The following VWF variants were observed in gnomAD, a reference collection of about 807,000 sequenced individuals.
VWF encodes the protein von Willebrand factor.
Under a neutral mutation model 308.6 loss-of-function variants are expected in VWF, and 176 were observed. The observed-to-expected ratio is 0.57, with a 90% CI of 0.50 to 0.65. VWF has a LOEUF of 0.65. VWF is among the 30% of genes least tolerant of loss of function. The probability of loss-of-function intolerance (pLI) is 0.00; values close to 1 mark genes in which losing one functional copy is unlikely to be tolerated. For synonymous variants in VWF, 1,385 were observed against 1,443.4 expected (o/e 0.96, Z 0.92); for missense variants, 3,146 against 3,648.2 (o/e 0.86, Z 3.55).
In VWF at chr12:6,013,506, A is replaced by G; in HGVS notation, c.5595T>C (p.Asn1865=). The change falls in exon 32 of 52, where the codon AAT becomes AAC. Residue 1865 remains asparagine (N), a synonymous_variant. Transcript: ENST00000261405. ...EDLPTMVTLG[N]SFLHKLCSGF... ...CAGAGCACAGTTTGTGGAGGAAGGA[A>G]TTGCCCAAGGTGACCATGGTAGGGA... The G allele has an allele frequency of 1.2e-6, 2 of 1,614,172 alleles. No homozygotes were observed. Among genetic ancestry groups the G allele is most frequent in the South Asian group, 2.2e-5 (2 of 91,072 alleles).
chr12:6,121,342 G>C lies in VWF; in HGVS notation c.56-4C>G, dbSNP rs1187778561. On this transcript the variant is annotated splice_polypyrimidine_tract_variant and splice_region_variant and intron_variant, in intron 2 of 51. Transcript: ENST00000261405. ...GTTCCTTCTGCACAAAGGGTCCCTGGAGGGAGAGGCCACAGGTTGGGCTGG... is the reference window on the plus strand; with the variant it reads ...GTTCCTTCTGCACAAAGGGTCCCTGCAGGGAGAGGCCACAGGTTGGGCTGG... 6.2e-7 allele frequency: 1 copy of C among 1,613,860 alleles called. No individual in the cohort carries two copies. Among genetic ancestry groups the C allele is most frequent in the South Asian group, 1.1e-5 (1 of 90,998 alleles).
At chr12:6,068,121 T>A (rs1179332739) in intron 10 of VWF, among the ~76,000 whole-genome samples, 2 of 128,070 alleles carry the variant, frequency 1.6e-5, no homozygotes. Flanking sequence ...GGCGACTGAG[T>A]GAAACTCTGT....
chr12:5,976,175 T>G lies in VWF; in HGVS notation c.7373A>C (p.Asp2458Ala). 1.2e-6 allele frequency: 2 copies of G among 1,614,104 alleles called. No individual in the cohort carries two copies. Among genetic ancestry groups the G allele is most frequent in the Non-Finnish European group, 1.7e-6 (2 of 1,180,042 alleles). ...CDVCTCTDME[D>A]AVMGLRVAQC... ...GGCCACGCGGAGGCCCATCACGGCA[T>G]CCTCCATGTCGGTGCAGGTGCACAC... Residue 2458 changes from aspartate to alanine, a missense_variant, in exon 43 of 52, where the codon GAT (aspartate) becomes GCT (alanine). Physicochemically the swap from Asp to Ala is moderately radical, Grantham distance 126. Transcript: ENST00000261405.
chr12:6,105,315 G>A (rs1460951558), intron 5 of VWF, among the ~76,000 whole-genome samples: 1 of 151,920 alleles, frequency 6.6e-6, no homozygotes, highest in Admixed American at 6.6e-5. Flanking sequence ...TGCAACCTCC[G>A]TCCCCTGGGT....
intron 10 of VWF, among the ~76,000 whole-genome samples, chr12:6,066,653 A>C (rs1282976622): frequency 6.6e-6 from 1 of 152,228 alleles, no homozygotes; most frequent in Non-Finnish European, 1.5e-5. Context: ...TTGGAAAGAC[A>C]AATGTAAGAG....
chr12:5,997,615 A>G (rs1943820562), intron 34 of VWF, among the ~76,000 whole-genome samples: 2 of 152,230 alleles, frequency 1.3e-5, no homozygotes, highest in South Asian at 4.1e-4. Context: ...TGCAATATAG[A>G]TGAAATGCCT....
chr12:5,951,114 G>A (rs746372272), intron 50 of VWF, among the ~76,000 whole-genome samples: 6 of 152,200 alleles, frequency 3.9e-5, no homozygotes, highest in Non-Finnish European at 7.3e-5. Context: ...GTCCAGGCAA[G>A]TAATTCTATA....
At chr12:5,968,302 C>T in intron 45 of VWF, 135 bp from the exon 46 acceptor site, 1 of 1,076,530 alleles carries the variant, frequency 9.3e-7, no homozygotes, top group Non-Finnish European at 1.3e-6. Flanking sequence ...TTCCCCCCAC[C>T]CCACAACCCA....
At chr12:6,002,504 A>G (rs1460572574) in intron 34 of VWF, among the ~76,000 whole-genome samples, 1 of 152,076 alleles carries the variant, frequency 6.6e-6, no homozygotes, top group Non-Finnish European at 1.5e-5. Context: ...AAAAAAGACT[A>G]CTTTCAAGAC....
intron 15 of VWF, among the ~76,000 whole-genome samples, chr12:6,053,236 G>GAGT (rs1275599895): frequency 2.0e-5 from 3 of 151,840 alleles, no homozygotes; most frequent in Non-Finnish European, 4.4e-5. Context: ...TGACAACAAT[G>GAGT]AGTACCATTT....
At position 6,060,970 on chromosome 12, in the gene VWF, G is replaced by A. The variant is rs1273614700; in HGVS notation, c.1533+1984C>T. ...AATCCCAGCACTTTGGGAGGCTGAG[G>A]AGGGTGGATCATTTGAGGTCAGGAG... On this transcript the variant is annotated intron_variant, in intron 13 of 51. Transcript: ENST00000261405. The surrounding 1 kb of genome is among the most constrained non-coding windows in gnomAD (Gnocchi z 5.1). 6.6e-6 allele frequency among the ~76,000 whole-genome samples: 1 copy of A among 152,232 alleles called. No individual in the cohort carries two copies. Among genetic ancestry groups the A allele is most frequent in the Non-Finnish European group, 1.5e-5 (1 of 68,048 alleles).
rs139908029 is a variant in VWF, at chr12:5,975,537, C to T, written c.7437+574G>A. Among the ~76,000 whole-genome samples the T allele has an allele frequency of 2.2e-4, 33 of 152,202 alleles. No homozygotes were observed. The East Asian group carries it at 6.2e-3, about 29-fold the overall frequency. ...TTTGGGAAACAGGGATCATGTTTTC[C>T]GTACCTCAAGTTATAAACATGGTCT... On this transcript the variant is annotated intron_variant, in intron 43 of 51. Transcript: ENST00000261405.
At position 6,058,155 on chromosome 12, in the gene VWF, T is replaced by A; in HGVS notation, c.1534-111A>T. The A allele has an allele frequency of 2.4e-5, 31 of 1,273,120 alleles. No individual in the cohort carries two copies. Among genetic ancestry groups the A allele is most frequent in the Non-Finnish European group, 2.7e-5 (25 of 925,950 alleles). 78.9% of individuals were successfully genotyped at this position (1,273,120 alleles called of 1,614,324 possible). On this transcript the variant is annotated intron_variant, in intron 13 of 51. Coordinates refer to ENST00000261405, the MANE Select transcript of VWF (RefSeq NM_000552.5). This position sits in a 1 kb window ranked among gnomAD's most constrained non-coding sequence, Gnocchi z 4.9. The stretch of plus-strand genomic sequence containing the variant: ...AAAAAAAAGTTCCCCGGGTGAAACA[T>A]AAATATGAATGTAATAAAAGGCAGC...
intron 6 of VWF, among the ~76,000 whole-genome samples, chr12:6,089,808 C>T (rs188238219): frequency 6.6e-6 from 1 of 152,226 alleles, no homozygotes; most frequent in African/African-American, 2.4e-5. Flanking sequence ...TCCACAGCCA[C>T]CCTGACCCCA....
intron 18 of VWF, among the ~76,000 whole-genome samples, chr12:6,040,496 G>C (rs1322895552): frequency 6.6e-6 from 1 of 152,148 alleles, no homozygotes; most frequent in Non-Finnish European, 1.5e-5. Flanking sequence ...CCTCCCATGT[G>C]CTCGCTGCTC....
chr12:6,079,518 G>A (rs897160714), intron 6 of VWF, among the ~76,000 whole-genome samples: 39 of 152,142 alleles, frequency 2.6e-4, no homozygotes, highest in African/African-American at 7.5e-4. Flanking sequence ...GCTGAGGCAG[G>A]AGAATGGCAT....
chr12:5,964,643 A>C (rs1943378329), intron 47 of VWF, among the ~76,000 whole-genome samples: 1 of 152,126 alleles, frequency 6.6e-6, no homozygotes, highest in Non-Finnish European at 1.5e-5. Context: ...AGGAGTCAGT[A>C]AGCTTGCTCA....
intron 5 of VWF, among the ~76,000 whole-genome samples, chr12:6,110,141 G>C (rs1477975395): frequency 1.3e-5 from 2 of 152,194 alleles, no homozygotes; most frequent in Non-Finnish European, 2.9e-5. Flanking sequence ...CGTGCAAGTT[G>C]CTACAGAGAA....
At chr12:6,014,217 G>T (rs1164854429) in intron 31 of VWF, among the ~76,000 whole-genome samples, 2 of 152,104 alleles carry the variant, frequency 1.3e-5, no homozygotes, top group Admixed American at 6.5e-5. Context: ...GGACAAGCAA[G>T]AGAGGGAAAG....
Sources: gnomAD v4.1 joint callset for allele counts (sites outside exome capture counted in the v4.1 genomes callset) on GRCh38, gnomAD v4.1.1 for gene constraint, Gnocchi (gnomAD v3.1) non-coding constraint, MANE v1.5 for transcripts, NCBI Gene and HGNC (gene_info 2026-07-23, HGNC 2026-07-21) for gene names.